Variants in IL34 observed in about 807,000 individuals in gnomAD.
The protein encoded by IL34 is interleukin 34.
IL34 carries 17 observed loss-of-function variants against 25.3 expected under a neutral mutation model. The ratio of observed to expected loss-of-function variants is 0.67; its 90% CI spans 0.46 to 1.01. The LOEUF is 1.01. Ranked by LOEUF, IL34 falls within the 50% of genes least tolerant of loss-of-function variation. The pLI is 0.00. For missense variants in IL34, 368 were observed against 312.9 expected, an observed-to-expected ratio of 1.18 and a Z score of -1.33; for synonymous variants, 174 against 140.9, an observed-to-expected ratio of 1.23 and a Z score of -1.66.
At chr16:70,642,442 C>T (rs1001357470), upstream of IL34, among the ~76,000 whole-genome samples, 10 of 151,786 alleles carry the variant, frequency 6.6e-5, no homozygotes, top group Non-Finnish European at 1.0e-4. Flanking sequence ...GGATTACAGG[C>T]ACCTGCCACT....
chr16:70,653,346 C>CAAA (rs200626111), intron 1 of IL34, among the ~76,000 whole-genome samples: 29 of 86,874 alleles, frequency 3.3e-4, no homozygotes, highest in East Asian at 2.5e-3. Flanking sequence ...AACCCTGTCT[C>CAAA]AAAAAAAAAA....
intron 1 of IL34, among the ~76,000 whole-genome samples, chr16:70,615,663 T>C (rs2051162463): frequency 6.6e-6 from 1 of 152,154 alleles, no homozygotes; most frequent in South Asian, 2.1e-4. Context: ...TATAGGTAGA[T>C]GAAAGTGCCA....
At chr16:70,634,135 G>T (rs1208243287) in intron 1 of IL34, among the ~76,000 whole-genome samples, 1 of 152,010 alleles carries the variant, frequency 6.6e-6, no homozygotes, top group Non-Finnish European at 1.5e-5. Context: ...ACAGGTGTGA[G>T]CCACCGTGCC....
In IL34 at chr16:70,652,459, GA is replaced by G. The variant is rs2052104617; in HGVS notation, c.29-2075del. Among the ~76,000 whole-genome samples the G allele has an allele frequency of 2.6e-5, 4 of 152,264 alleles. No individual in the cohort carries two copies. The South Asian group carries it at 8.3e-4, about 32-fold the overall frequency. ...TGGGCGACAGAGCAAGACCCTATTT[GA>G]AAAGAAAAACATGAAAAAATCTCCC... On this transcript the variant is annotated intron_variant, in intron 1 of 5. Coordinates refer to ENST00000288098, the MANE Select transcript of IL34 (RefSeq NM_001393494.1).
chr16:70,592,227 G>A (rs1035629124), intron 1 of IL34, among the ~76,000 whole-genome samples: 1 of 152,126 alleles, frequency 6.6e-6, no homozygotes, highest in Non-Finnish European at 1.5e-5. Context: ...GCTGGGCTGG[G>A]GCCAGGCACT....
At chr16:70,641,126 C>G (rs2051772221) in intron 1 of IL34, among the ~76,000 whole-genome samples, 2 of 149,584 alleles carry the variant, frequency 1.3e-5, no homozygotes, top group South Asian at 4.3e-4. Flanking sequence ...ACAAAAAAAT[C>G]AGCCGGAAGT....
chr16:70,598,924 G>C (rs542411402), intron 1 of IL34, among the ~76,000 whole-genome samples: 1 of 152,160 alleles, frequency 6.6e-6, no homozygotes, highest in African/African-American at 2.4e-5. Context: ...ATCACATCAG[G>C]CCTGCTCAGA....
At chr16:70,594,437 C>G (rs142656407) in intron 1 of IL34, among the ~76,000 whole-genome samples, 1 of 152,156 alleles carries the variant, frequency 6.6e-6, no homozygotes, top group East Asian at 1.9e-4. Flanking sequence ...TAAAAACATT[C>G]AATAGAGAGA....
At chr16:70,597,899 G>A (rs905214386) in intron 1 of IL34, among the ~76,000 whole-genome samples, 4 of 151,946 alleles carry the variant, frequency 2.6e-5, no homozygotes, top group Non-Finnish European at 5.9e-5. Flanking sequence ...GTGCAATGGC[G>A]CGATCTTGGC....
At chr16:70,601,876 C>T (rs2050923313) in intron 1 of IL34, among the ~76,000 whole-genome samples, 1 of 152,252 alleles carries the variant, frequency 6.6e-6, no homozygotes, top group Admixed American at 6.5e-5. Flanking sequence ...GACAAGGACA[C>T]TGAGCTGCCA....
intron 1 of IL34, among the ~76,000 whole-genome samples, chr16:70,580,279 C>T (rs1243942960): frequency 6.6e-6 from 1 of 152,216 alleles, no homozygotes; most frequent in Non-Finnish European, 1.5e-5. Flanking sequence ...CCTTCATCAG[C>T]CTTGCAGGAA....
intron 1 of IL34, among the ~76,000 whole-genome samples, chr16:70,603,642 G>A (rs549226045): frequency 1.3e-5 from 2 of 152,194 alleles, no homozygotes; most frequent in South Asian, 2.1e-4. Flanking sequence ...GCATGATCTT[G>A]GCTCACTGTA....
chr16:70,630,368 A>G (rs1420844289), intron 1 of IL34, among the ~76,000 whole-genome samples: 1 of 152,072 alleles, frequency 6.6e-6, no homozygotes, highest in Non-Finnish European at 1.5e-5. Context: ...AGTAGCTGGG[A>G]TTACAGGTGT....
intron 1 of IL34, among the ~76,000 whole-genome samples, chr16:70,632,355 C>T (rs950759430): frequency 2.6e-5 from 4 of 152,170 alleles, no homozygotes; most frequent in African/African-American, 9.7e-5. Flanking sequence ...GGCCTGTTCT[C>T]AAGGTCTAGG....
Position 70,631,445 on chromosome 16 carries a change from T to C in IL34, c.-400-15103T>C, listed in dbSNP as rs372659888. 1.8e-4 allele frequency among the ~76,000 whole-genome samples: 28 copies of C among 152,368 alleles called. 1 individual carries two copies. The highest frequency in any genetic ancestry group is 6.3e-4 in the African/African-American group (26 of 41,596). On this transcript the variant is annotated intron_variant, in intron 1 of 6. Coordinates refer to the IL34 transcript ENST00000429149. Reference sequence around the variant, plus strand: ...CTTTTCCAATTTATTCTTGTTTTTATTAACTTTTAAAACAAAACAAAACAT... The same window carrying C: ...CTTTTCCAATTTATTCTTGTTTTTACTAACTTTTAAAACAAAACAAAACAT...
intron 1 of IL34, among the ~76,000 whole-genome samples, chr16:70,582,622 C>T (rs920559376): frequency 2.0e-5 from 3 of 152,220 alleles, no homozygotes; most frequent in Non-Finnish European, 2.9e-5. Flanking sequence ...GAGCCCTTAC[C>T]GTGGAAGTCA....
At chr16:70,632,564 A>C (rs2051544079) in intron 1 of IL34, among the ~76,000 whole-genome samples, 1 of 152,188 alleles carries the variant, frequency 6.6e-6, no homozygotes, top group Non-Finnish European at 1.5e-5. Flanking sequence ...TTAAACTCCA[A>C]GGAAGGGAGT....
intron 5 of IL34, 106 bp downstream of exon 5, chr16:70,659,859 C>T: frequency 6.7e-7 from 1 of 1,493,830 alleles, no homozygotes; most frequent in Non-Finnish European, 9.0e-7. Context: ...TCCTCTGCTC[C>T]CCGGGGCTAC....
rs1351761010 is a variant in IL34, at chr16:70,629,087, G to A, written c.-400-17461G>A. Among the ~76,000 whole-genome samples the A allele has an allele frequency of 3.9e-5, 6 of 152,120 alleles. No homozygotes were observed. In the East Asian group the frequency reaches 9.6e-4, roughly 24 times the overall value. The stretch of plus-strand genomic sequence containing the variant: ...TCACTGTACCTGGCCCCTGGCTATT[G>A]TTTATAGTAGTTTGTTGATTCTCTT... On this transcript the variant is annotated intron_variant, in intron 1 of 6. Coordinates refer to the IL34 transcript ENST00000429149.
Sources: allele counts gnomAD v4.1 joint callset (sites outside exome capture counted in the v4.1 genomes callset), GRCh38; gene constraint gnomAD v4.1.1; transcripts MANE v1.5; gene names NCBI Gene and HGNC (gene_info 2026-07-23, HGNC 2026-07-21).